The following DHTKD1 variants were observed in gnomAD, a reference collection of about 807,000 sequenced individuals.
DHTKD1 encodes the protein dehydrogenase E1 and transketolase domain containing 1.
A neutral mutation model predicts 101.8 loss-of-function variants in DHTKD1; 78 were observed. The ratio of observed to expected loss-of-function variants is 0.77; its 90% CI spans 0.64 to 0.93. The LOEUF is 0.93. Among genes scored for constraint, DHTKD1 ranks in the 40% least tolerant of loss-of-function variants. The probability of loss-of-function intolerance (pLI) is 0.00; values close to 1 mark genes in which losing one functional copy is unlikely to be tolerated. For missense variants in DHTKD1, 1,223 were observed against 1,161.7 expected (o/e 1.05, Z -0.77); for synonymous variants, 462 against 450.3 (o/e 1.03, Z -0.33).
Position 12,081,555 on chromosome 10 carries a change from C to G in DHTKD1, c.238C>G (p.Gln80Glu), listed in dbSNP as rs1166890605. 3 of 1,614,182 alleles carry G rather than the reference C, an allele frequency of 1.9e-6. No individual in the cohort carries two copies. The highest frequency in any genetic ancestry group is 1.7e-6 in the Non-Finnish European group (2 of 1,180,030). The part of the protein sequence containing the change: ...AAKINPLFTG[Q>E]ALLENVPEIQ... ...CAAAATCAACCCCCTCTTCACCGGACAAGCCCTGCTGGAGAATGTGCCTGA... is the reference window on the plus strand; with the variant it reads ...CAAAATCAACCCCCTCTTCACCGGAGAAGCCCTGCTGGAGAATGTGCCTGA... The change falls in exon 2 of 17, where the codon CAA (glutamine) becomes GAA (glutamate). Residue 80 changes from glutamine (Q) to glutamate (E), a missense_variant. By Grantham distance (29) the Gln-to-Glu change is conservative. Transcript: ENST00000263035.
chr10:12,088,125 T>C (rs1419028214), intron 4 of DHTKD1, among the ~76,000 whole-genome samples: 1 of 150,248 alleles, frequency 6.7e-6, no homozygotes, highest in African/African-American at 2.5e-5. Context: ...TATAAATAAA[T>C]TTTTAAAAAG....
intron 5 of DHTKD1, among the ~76,000 whole-genome samples, chr10:12,089,603 G>A (rs1181744450): frequency 2.7e-5 from 4 of 150,104 alleles, no homozygotes; most frequent in African/African-American, 9.8e-5. Flanking sequence ...AACAAGACAA[G>A]CGTGAAAAAA....
intron 12 of DHTKD1, among the ~76,000 whole-genome samples, chr10:12,111,286 C>T (rs1833325626): frequency 2.0e-5 from 3 of 152,248 alleles, no homozygotes; most frequent in South Asian, 4.1e-4. Flanking sequence ...CTGCCTCAGC[C>T]TCCCGAGTAG....
Position 12,069,076 on chromosome 10 carries a change from C to T in DHTKD1, c.43C>T (p.Arg15Trp). The change falls in exon 1 of 17, where the codon CGG (arginine) becomes TGG (tryptophan). Residue 15 changes from arginine to tryptophan, a missense_variant. Coordinates refer to ENST00000263035, the MANE Select transcript of DHTKD1 (RefSeq NM_018706.7). ...TAAAARRGLG[R>W]ALPLFWRGYQ... Reference sequence around the variant, plus strand: ...GGCAGCAGCACGACGGGGCCTCGGCCGGGCTCTCCCTCTCTTCTGGCGTGG... The same window carrying T: ...GGCAGCAGCACGACGGGGCCTCGGCTGGGCTCTCCCTCTCTTCTGGCGTGG... 2 of 1,612,920 alleles carry T rather than the reference C, an allele frequency of 1.2e-6. No individual in the cohort carries two copies. The highest frequency in any genetic ancestry group is 1.7e-6 in the Non-Finnish European group (2 of 1,179,614).
chr10:12,120,833 T>C lies in DHTKD1; in HGVS notation c.2705T>C (p.Ile902Thr), dbSNP rs145475655. ...RPPLPVPAVGIGTVHLHQHED... is the reference protein window; with the variant it reads ...RPPLPVPAVGTGTVHLHQHED... The stretch of plus-strand genomic sequence containing the variant: ...CCTTTGCCAGTACCCGCTGTAGGAA[T>C]TGGCACAGTTCACTTGCACCAGCAT... Residue 902 changes from isoleucine (I) to threonine (T), a missense_variant, in exon 17 of 17, where the codon ATT becomes ACT. Transcript: ENST00000263035. 41 of 1,614,040 alleles carry C rather than the reference T, an allele frequency of 2.5e-5. No homozygotes were observed. The highest frequency in any genetic ancestry group is 1.8e-4 in the Admixed American group (11 of 59,984).
chr10:12,102,487 G>T (rs1833187483), intron 10 of DHTKD1, among the ~76,000 whole-genome samples: 1 of 151,500 alleles, frequency 6.6e-6, no homozygotes, highest in Non-Finnish European at 1.5e-5. Flanking sequence ...ATAACTGAAG[G>T]GATATGGAGC....
chr10:12,106,001 A>G (rs1357343831), intron 10 of DHTKD1, among the ~76,000 whole-genome samples: 1 of 152,192 alleles, frequency 6.6e-6, no homozygotes, highest in African/African-American at 2.4e-5. Context: ...AGGCTGAGGC[A>G]AGAGAATCAC....
chr10:12,084,277 G>T (rs1307147627), intron 2 of DHTKD1, among the ~76,000 whole-genome samples: 1 of 151,100 alleles, frequency 6.6e-6, no homozygotes, highest in East Asian at 1.9e-4. Context: ...AATTATTTTG[G>T]TATGTTCCAG....
chr10:12,117,754 A>T lies in DHTKD1; in HGVS notation c.2401A>T (p.Lys801Ter), dbSNP rs190101915. The T allele has an allele frequency of 3.2e-6, 5 of 1,568,860 alleles. No homozygotes were observed. The East Asian group carries it at 9.1e-5, about 29-fold the overall frequency. The stretch of plus-strand genomic sequence containing the variant: ...TGGTGATTCATCTGTGGATCCAAAA[A>T]AGTAAGATATGTATCTCTGTTTTCA... ...VIGDSSVDPK[K>*]VKTLVFCSGK... Residue 801 changes from lysine (K) to a stop codon, truncating the protein, a stop_gained and splice_region_variant, in exon 14 of 17, where the codon AAG becomes TAG. Transcript: ENST00000263035. LOFTEE classifies it high-confidence loss of function.
Position 12,097,560 on chromosome 10 carries a change from C to T in DHTKD1, c.1359-124C>T, listed in dbSNP as rs534125044. The stretch of plus-strand genomic sequence containing the variant: ...AAATGCTAAGATTGTAGGTGTGAGC[C>T]ACTGCACCTGTCGAATGCCTTTTTA... On this transcript the variant is annotated intron_variant, in intron 7 of 16. Coordinates refer to ENST00000263035, the MANE Select transcript of DHTKD1 (RefSeq NM_018706.7). 1.1e-4 allele frequency: 88 copies of T among 808,620 alleles called. No homozygotes were observed. In the Middle Eastern group the frequency reaches 1.3e-3, roughly 12 times the overall value. 50.1% of individuals were successfully genotyped at this position (808,620 alleles called of 1,614,324 possible). A position where few individuals can be genotyped will look rare whatever the true frequency, so the allele number is the denominator to read the frequency against.
In DHTKD1 at chr10:12,117,774, T is replaced by G; in HGVS notation, c.2402+19T>G. 6.9e-7 allele frequency: 1 copy of G among 1,447,002 alleles called. No individual in the cohort carries two copies. The highest frequency in any genetic ancestry group is 9.6e-7 in the Non-Finnish European group (1 of 1,039,938). 89.6% of individuals were successfully genotyped at this position (1,447,002 alleles called of 1,614,324 possible). ...CAAAAAAGTAAGATATGTATCTCTG[T>G]TTTCATATTCTGTGGCAGAATTTTA... is the stretch of plus-strand genomic sequence containing the variant. On this transcript the variant is annotated intron_variant, in intron 14 of 16. Coordinates refer to ENST00000263035, the MANE Select transcript of DHTKD1 (RefSeq NM_018706.7).
At chr10:12,114,294 AT>A (rs1234825980) in intron 13 of DHTKD1, among the ~76,000 whole-genome samples, 2 of 151,786 alleles carry the variant, frequency 1.3e-5, no homozygotes, top group African/African-American at 2.4e-5. Context: ...TAGAATTAGT[AT>A]TAAATTTTTT....
chr10:12,077,264 G>C (rs993038767), intron 1 of DHTKD1, among the ~76,000 whole-genome samples: 5 of 149,070 alleles, frequency 3.4e-5, no homozygotes, highest in Non-Finnish European at 7.4e-5. Flanking sequence ...TTTCATGCTT[G>C]TCACCCAGGC....
rs766554449 is a variant in DHTKD1, at chr10:12,107,852, C to T, written c.2048-57C>T. On this transcript the variant is annotated intron_variant, in intron 11 of 16. Transcript: ENST00000263035. The surrounding 1 kb of genome is among the most constrained non-coding windows in gnomAD (Gnocchi z 4.1). ...ATTGATTTCCCCAGCTGAGTCGTGT[C>T]AGGCCACTTTGTCCCCGCTTCGTAG... The T allele has an allele frequency of 9.1e-6, 11 of 1,205,774 alleles. No individual in the cohort carries two copies. The highest frequency in any genetic ancestry group is 1.3e-5 in the Non-Finnish European group (11 of 819,230). The allele number at this position is 1,205,774 out of a possible 1,614,324, so 74.7% of individuals were successfully genotyped here. A position where few individuals can be genotyped will look rare whatever the true frequency, so the allele number is the denominator to read the frequency against.
chr10:12,091,971 A>ATT (rs754359053), intron 6 of DHTKD1, among the ~76,000 whole-genome samples: 3 of 134,652 alleles, frequency 2.2e-5, no homozygotes, highest in African/African-American at 2.7e-5. Flanking sequence ...TGTCTGGCTA[A>ATT]TTTTTTTTTT....
At chr10:12,069,862 C>A (rs953679948) in intron 1 of DHTKD1, among the ~76,000 whole-genome samples, 1 of 151,632 alleles carries the variant, frequency 6.6e-6, no homozygotes, top group South Asian at 2.1e-4. Flanking sequence ...TTTAATGAGG[C>A]GGAGCTGTGG....
At chr10:12,086,902 G>A (rs1832911575) in intron 3 of DHTKD1, among the ~76,000 whole-genome samples, 1 of 152,040 alleles carries the variant, frequency 6.6e-6, no homozygotes, top group Non-Finnish European at 1.5e-5. Flanking sequence ...TGTTGGCCAA[G>A]TCTCAAACTC....
chr10:12,089,349 G>C, intron 5 of DHTKD1, 94 bp downstream of exon 5: 1 of 1,193,534 alleles, frequency 8.4e-7, no homozygotes, highest in Non-Finnish European at 1.2e-6. Flanking sequence ...AGACATTCAT[G>C]ATGAAACTGA....
intron 12 of DHTKD1, among the ~76,000 whole-genome samples, 165 bp from the exon 13 acceptor site, chr10:12,112,735 C>T (rs111243118): frequency 4.1e-4 from 63 of 152,214 alleles, no homozygotes; most frequent in African/African-American, 1.4e-3. Context: ...TGGTTAATAC[C>T]GCACCGTTCA....
Sources: gnomAD v4.1 joint callset for allele counts (sites outside exome capture counted in the v4.1 genomes callset) on GRCh38, gnomAD v4.1.1 for gene constraint, Gnocchi (gnomAD v3.1) non-coding constraint, MANE v1.5 for transcripts, NCBI Gene and HGNC (gene_info 2026-07-23, HGNC 2026-07-21) for gene names.